TCOF1: variants seen among roughly 807,000 people sequenced by gnomAD.
TCOF1 encodes the protein treacle ribosome biogenesis factor 1, also known as treacle protein.
Under a neutral mutation model 149.0 loss-of-function variants are expected in TCOF1, and 33 were observed. That is an observed-to-expected ratio of 0.22 (90% CI 0.17 to 0.30). The LOEUF (loss-of-function observed/expected upper bound fraction) is 0.30, where lower values mean the gene tolerates loss of function less well. TCOF1 is among the 10% of genes least tolerant of loss of function. TCOF1 has a pLI of 1.00. For synonymous variants in TCOF1, 789 were observed against 738.8 expected (o/e 1.07, Z -1.10); for missense variants, 1,728 against 1,840.7 (o/e 0.94, Z 1.12).
intron 5 of TCOF1, 108 bp from the exon 6 acceptor site, chr5:150,369,421 C>T (rs749249923): frequency 4.0e-5 from 51 of 1,288,530 alleles, no homozygotes; most frequent in African/African-American, 5.8e-5. Context: ...GAGGGGTGAG[C>T]GCTCAGCACC....
At chr5:150,394,645 A>T (rs1444581344) in intron 23 of TCOF1, 1 of 152,268 alleles carries the variant, frequency 6.6e-6, no homozygotes. Flanking sequence ...GGCCTGGCGC[A>T]GTGGCTCGTG....
intron 3 of TCOF1, among the ~76,000 whole-genome samples, chr5:150,366,334 G>A (rs574003511): frequency 7.9e-5 from 12 of 152,264 alleles, no homozygotes; most frequent in African/African-American, 2.9e-4. Context: ...CTGGGCAGCA[G>A]AGCAAGACCC....
chr5:150,388,366 A>G (rs771258459), intron 18 of TCOF1, among the ~76,000 whole-genome samples: 1 of 152,156 alleles, frequency 6.6e-6, no homozygotes, highest in African/African-American at 2.4e-5. Flanking sequence ...TACATAGTCT[A>G]AGAAAGAATT....
At position 150,379,312 on chromosome 5, in the gene TCOF1, G is replaced by A. The variant is rs774946733; in HGVS notation, c.2562G>A (p.Val854=). 9.3e-6 allele frequency: 15 copies of A among 1,614,116 alleles called. No homozygotes were observed. Among genetic ancestry groups the A allele is most frequent in the Non-Finnish European group, 1.3e-5 (15 of 1,180,054 alleles). The change falls in exon 16 of 27, where the codon GTG becomes GTA. Residue 854 remains valine, a synonymous_variant. Coordinates refer to ENST00000643257, the MANE Select transcript of TCOF1 (RefSeq NM_001371623.1). Reference sequence around the variant, plus strand: ...CTGTGCCATCTGTGGGGAAGGCCGTGGCTACAGCAGCTCAGGCCCAGACAG... The same window carrying A: ...CTGTGCCATCTGTGGGGAAGGCCGTAGCTACAGCAGCTCAGGCCCAGACAG... ...PASVPSVGKA[V]ATAAQAQTGP... is the part of the protein sequence containing the mutation.
At chr5:150,373,334 C>T (rs745510011) in intron 7 of TCOF1, among the ~76,000 whole-genome samples, 1 of 152,224 alleles carries the variant, frequency 6.6e-6, no homozygotes, top group African/African-American at 2.4e-5. Flanking sequence ...AGCCACCGCA[C>T]CTGGCCATAA....
chr5:150,393,473 T>C lies in TCOF1; in HGVS notation c.3705T>C (p.Thr1235=). ...ACTCCAGCCCCTCAGTTTCCTCTAC[T>C]CTGGCCGCCAAAGATGACCCAGATG... ...KLDSSPSVSS[T]LAAKDDPDGK... The change falls in exon 23 of 27, where the codon ACT becomes ACC. Residue 1235 remains threonine, a synonymous_variant. Transcript: ENST00000643257. 2 of 1,614,120 alleles carry C rather than the reference T, an allele frequency of 1.2e-6. No individual in the cohort carries two copies. Among genetic ancestry groups the C allele is most frequent in the Non-Finnish European group, 1.7e-6 (2 of 1,180,026 alleles).
At chr5:150,365,379 ATATATAT>A (rs1039377606) in intron 3 of TCOF1, among the ~76,000 whole-genome samples, 3 of 150,862 alleles carry the variant, frequency 2.0e-5, no homozygotes, top group Non-Finnish European at 4.4e-5. Flanking sequence ...TGCGCCCTGG[ATATATAT>A]TATATATCGC....
intron 17 of TCOF1, chr5:150,383,664 T>C: frequency 1.4e-6 from 2 of 1,462,588 alleles, no homozygotes; most frequent in Non-Finnish European, 1.9e-6. Flanking sequence ...CAAATTCTCA[T>C]GATTCATAAG....
At chr5:150,384,464 GC>G in intron 17 of TCOF1, 1 of 985,464 alleles carries the variant, frequency 1.0e-6, no homozygotes, top group Middle Eastern at 5.2e-4. Flanking sequence ...GCCTGGTGCT[GC>G]CCCGACACTC....
chr5:150,380,490 C>G (rs571918111), intron 17 of TCOF1: 2 of 152,818 alleles, frequency 1.3e-5, no homozygotes, highest in Admixed American at 6.5e-5. Context: ...CACCTTGGCC[C>G]GGAGCCTCAC....
chr5:150,359,651 G>A (rs1759567976), intron 1 of TCOF1, among the ~76,000 whole-genome samples: 1 of 152,194 alleles, frequency 6.6e-6, no homozygotes, highest in African/African-American at 2.4e-5. Context: ...AACCTCACTT[G>A]CTCTTCCTAC....
At chr5:150,396,023 C>G (rs908929523) in intron 23 of TCOF1, among the ~76,000 whole-genome samples, 1 of 152,026 alleles carries the variant, frequency 6.6e-6, no homozygotes, top group Non-Finnish European at 1.5e-5. Context: ...ATTTTCTGTC[C>G]CCCACCCTAA....
intron 3 of TCOF1, among the ~76,000 whole-genome samples, chr5:150,365,675 A>G (rs1761182682): frequency 1.3e-5 from 2 of 152,130 alleles, no homozygotes; most frequent in South Asian, 4.1e-4. Flanking sequence ...AAGCTGTGAT[A>G]ATGGAGGTGT....
intron 6 of TCOF1, among the ~76,000 whole-genome samples, chr5:150,370,513 G>A (rs978358254): frequency 6.6e-5 from 10 of 152,120 alleles, no homozygotes; most frequent in East Asian, 1.9e-4. Context: ...ACGCCACCAC[G>A]CCTGGCTAAT....
chr5:150,364,184 C>T lies in TCOF1; in HGVS notation c.236C>T (p.Ser79Leu). Residue 79 changes from serine (S) to leucine (L), a missense_variant, in exon 3 of 27, where the codon TCA (serine) becomes TTA (leucine). Physicochemically the swap from Ser to Leu is moderately radical, Grantham distance 145 (BLOSUM62 -2). Around this residue, in one of 2 missense-constraint regions of TCOF1, gnomAD observed 1,696 missense variants for 1,765.4 expected, o/e 0.96. Coordinates refer to ENST00000643257, the MANE Select transcript of TCOF1 (RefSeq NM_001371623.1). ...CTGCAAGCTAAGAAAACCCGTGTGT[C>T]AGACCCCATCAGCACCTCGGAGAGC... ...AALQAKKTRV[S>L]DPISTSESSE... 6.2e-7 allele frequency: 1 copy of T among 1,614,144 alleles called. No individual in the cohort carries two copies. Among genetic ancestry groups the T allele is most frequent in the Non-Finnish European group, 8.5e-7 (1 of 1,180,028 alleles).
At chr5:150,392,288 G>A in intron 21 of TCOF1, 112 bp downstream of exon 21, 3 of 1,104,438 alleles carry the variant, frequency 2.7e-6, no homozygotes, top group Admixed American at 2.5e-5. Flanking sequence ...CTGCACCTGT[G>A]GCTGAGCCTG....
intron 3 of TCOF1, 153 bp from the exon 4 acceptor site, chr5:150,367,691 C>A: frequency 1.2e-6 from 1 of 804,708 alleles, no homozygotes; most frequent in South Asian, 1.5e-5. Flanking sequence ...CATCACAGAG[C>A]TCATTCCTGC....
Position 150,388,033 on chromosome 5 carries a change from C to G in TCOF1, c.2991C>G (p.Ser997=). The change falls in exon 18 of 27, where the codon TCC becomes TCG. Residue 997 remains serine (S), a synonymous_variant. Transcript: ENST00000643257. ...CCTCGGAGAGCACAGCCAGGAGCTC[C>G]TCCTCCGAGAGCGAGGATGAGGACG... is the stretch of plus-strand genomic sequence containing the variant. ...ARASESTARS[S]SSESEDEDVI... The G allele has an allele frequency of 4.3e-6, 7 of 1,613,828 alleles. No homozygotes were observed. Among genetic ancestry groups the G allele is most frequent in the Non-Finnish European group, 5.9e-6 (7 of 1,180,016 alleles).
In TCOF1 at chr5:150,388,029, GCTC is replaced by G. The variant is rs780876138; in HGVS notation, c.2995_2997del (p.Ser999del). The G allele has an allele frequency of 2.5e-6, 4 of 1,613,770 alleles. No homozygotes were observed. Among genetic ancestry groups the G allele is most frequent in the African/African-American group, 1.3e-5 (1 of 74,928 alleles). ...CGAGCCTCGGAGAGCACAGCCAGGA[GCTC>G]CTCCTCCGAGAGCGAGGATGAGGAC... On this transcript the variant is annotated inframe_deletion, in exon 18 of 27. Transcript: ENST00000643257.
Sources: gnomAD v4.1 joint callset for allele counts (sites outside exome capture counted in the v4.1 genomes callset) on GRCh38, gnomAD v4.1.1 for gene constraint, gnomAD v4.1.1 regional missense constraint, MANE v1.5 for transcripts, NCBI Gene and HGNC (gene_info 2026-07-23, HGNC 2026-07-21) for gene names.